The following SLC3A1 variants were observed in gnomAD, a reference collection of about 807,000 sequenced individuals.
SLC3A1 encodes amino acid transporter heavy chain SLC3A1.
SLC3A1 carries 78 observed loss-of-function variants against 60.3 expected under a neutral mutation model. The ratio of observed to expected loss-of-function variants is 1.29; its 90% confidence interval spans 1.08 to 1.56. The LOEUF is 1.56. SLC3A1 is among the 40% of genes most tolerant of loss of function. SLC3A1 has a pLI of 0.00. For synonymous variants in SLC3A1, 392 were observed against 307.9 expected (o/e 1.27, Z -2.86); for missense variants, 1,172 against 858.9 (o/e 1.36, Z -4.56).
chr2:44,307,106 G>T (rs1427356595), intron 7 of SLC3A1, among the ~76,000 whole-genome samples: 23 of 152,110 alleles, frequency 1.5e-4, no homozygotes, highest in Admixed American at 1.5e-3. Context: ...TACGATATGG[G>T]ACTTTTGTGT....
chr2:44,279,150 C>G (rs994748672), intron 1 of SLC3A1, among the ~76,000 whole-genome samples: 4 of 152,038 alleles, frequency 2.6e-5, no homozygotes, highest in Non-Finnish European at 5.9e-5. Flanking sequence ...AGGAATGCAC[C>G]ATCGTCCCCA....
intron 1 of SLC3A1, among the ~76,000 whole-genome samples, chr2:44,278,861 A>G (rs551200764): frequency 6.6e-6 from 1 of 152,300 alleles, no homozygotes; most frequent in South Asian, 2.1e-4. Flanking sequence ...GCAGTCTGAG[A>G]GTGGAAACAA....
rs751717838 is a variant in SLC3A1 at position 44,320,667 on chromosome 2, G to A, written c.*28G>A. On this transcript the variant is annotated 3_prime_UTR_variant, in exon 10 of 10. Transcript: ENST00000260649. Reference sequence around the variant, plus strand: ...ACCTTTATGAAGAGATGAAGACACTGGCATTTCAGTGGGATTGTAAGCATT... The same window carrying A: ...ACCTTTATGAAGAGATGAAGACACTAGCATTTCAGTGGGATTGTAAGCATT... 1.3e-5 allele frequency: 21 copies of A among 1,561,928 alleles called. No individual in the cohort carries two copies. The Admixed American group carries it at 2.5e-4, about 19-fold the overall frequency.
At position 44,320,633 on chromosome 2, in the gene SLC3A1, G is replaced by C. The variant is rs773635956; in HGVS notation, c.2052G>C (p.Ser684=). ...YSSVLNILYT[S]C The stretch of plus-strand genomic sequence containing the variant: ...GTGTACTGAACATACTGTATACCTC[G>C]TGTTAGGCACCTTTATGAAGAGATG... The change falls in exon 10 of 10, where the codon TCG becomes TCC. Residue 684 remains serine, a synonymous_variant. Transcript: ENST00000260649. The C allele has an allele frequency of 5.6e-6, 9 of 1,612,952 alleles. No individual in the cohort carries two copies. Among genetic ancestry groups the C allele is most frequent in the African/African-American group, 1.3e-5 (1 of 74,828 alleles).
intron 4 of SLC3A1, among the ~76,000 whole-genome samples, chr2:44,287,406 G>A (rs1275764963): frequency 6.6e-6 from 1 of 152,162 alleles, no homozygotes; most frequent in Non-Finnish European, 1.5e-5. Context: ...AGGTGAGAGT[G>A]TGGTTCATGT....
At chr2:44,301,428 ATTATT>A (rs770337530) in intron 6 of SLC3A1, 12 of 583,850 alleles carry the variant, frequency 2.1e-5, no homozygotes, top group African/African-American at 5.6e-5. Flanking sequence ...GCCATGAGCT[ATTATT>A]TTTTCTTTTT....
At chr2:44,305,970 C>T (rs1672144974) in intron 7 of SLC3A1, among the ~76,000 whole-genome samples, 1 of 152,190 alleles carries the variant, frequency 6.6e-6, no homozygotes, top group Non-Finnish European at 1.5e-5. Flanking sequence ...TCCACGATGT[C>T]TGCTTTCCCC....
rs748832562 is a variant in SLC3A1 at position 44,275,718 on chromosome 2, C to A, written c.183C>A (p.Gly61=). Reference sequence around the variant, plus strand: ...GCTCCCAGGAGCCCGACTTCAAGGGCGTCCAGCCCTATGCGGGGATGCCCA... The same window carrying A: ...GCTCCCAGGAGCCCGACTTCAAGGGAGTCCAGCCCTATGCGGGGATGCCCA... ...ILGSQEPDFK[G]VQPYAGMPKE... The change falls in exon 1 of 10, where the codon GGC becomes GGA. Residue 61 remains glycine, a synonymous_variant. Transcript: ENST00000260649. 6.2e-7 allele frequency: 1 copy of A among 1,614,200 alleles called. No individual in the cohort carries two copies. Among genetic ancestry groups the A allele is most frequent in the South Asian group, 1.1e-5 (1 of 91,078 alleles).
chr2:44,283,312 A>G (rs963745708), intron 3 of SLC3A1, among the ~76,000 whole-genome samples: 1 of 152,250 alleles, frequency 6.6e-6, no homozygotes, highest in Non-Finnish European at 1.5e-5. Flanking sequence ...ACAGGCTGTC[A>G]GCAAGTCCTG....
At position 44,275,493 on chromosome 2, in the gene SLC3A1, C is replaced by T; in HGVS notation, c.-43C>T. 1 of 1,529,832 alleles carries T rather than the reference C, an allele frequency of 6.5e-7. No homozygotes were observed. Among genetic ancestry groups the T allele is most frequent in the Non-Finnish European group, 9.0e-7 (1 of 1,107,124 alleles). 94.8% of individuals were successfully genotyped at this position (1,529,832 alleles called of 1,614,324 possible). On this transcript the variant is annotated 5_prime_UTR_variant, in exon 1 of 10. Transcript: ENST00000260649. The stretch of plus-strand genomic sequence containing the variant: ...ATTCAGCAAGCCACTCTTCCACCTC[C>T]CTTACTGCAGGAAGGCACTCCGAAG...
chr2:44,281,440 T>C lies in SLC3A1; in HGVS notation c.664T>C (p.Trp222Arg). ...IPNHTSDKHI[W>R]FQLSRTRTGK... is the part of the protein sequence containing the mutation. ...AAACCACACGAGTGATAAACATATT[T>C]GGTTTCAATTGAGTCGGACACGGAC... is the stretch of plus-strand genomic sequence containing the variant. The change falls in exon 3 of 10, where the codon TGG becomes CGG. Residue 222 changes from tryptophan to arginine, a missense_variant. Coordinates refer to ENST00000260649, the MANE Select transcript of SLC3A1 (RefSeq NM_000341.4). 1 of 1,613,514 alleles carries C rather than the reference T, an allele frequency of 6.2e-7. No individual in the cohort carries two copies. Among genetic ancestry groups the C allele is most frequent in the African/African-American group, 1.3e-5 (1 of 75,024 alleles).
chr2:44,321,700 G>A (rs200068348), downstream of SLC3A1: 4,122 of 1,578,110 alleles, frequency 2.6e-3, 10 homozygotes, highest in Non-Finnish European at 3.4e-3. Context: ...TCCCCTCCTG[G>A]GTCTCACCCA....
chr2:44,278,137 C>G (rs1671392262), intron 1 of SLC3A1, among the ~76,000 whole-genome samples: 1 of 152,080 alleles, frequency 6.6e-6, no homozygotes, highest in African/African-American at 2.4e-5. Context: ...AACTGGGGTA[C>G]AGAGACAGAA....
intron 7 of SLC3A1, among the ~76,000 whole-genome samples, chr2:44,307,441 A>T (rs1398712139): frequency 6.6e-6 from 1 of 152,112 alleles, no homozygotes; most frequent in Admixed American, 6.5e-5. Context: ...TAGTTACTCC[A>T]TTTTACATTC....
chr2:44,291,915 G>A (rs554733997), intron 4 of SLC3A1, among the ~76,000 whole-genome samples: 1 of 152,284 alleles, frequency 6.6e-6, no homozygotes, highest in Admixed American at 6.5e-5. Flanking sequence ...CAGGGGACTT[G>A]GCTCTGCTCT....
Position 44,275,792 on chromosome 2 carries a change from G to T in SLC3A1, c.257G>T (p.Arg86Leu). 6.2e-7 allele frequency: 1 copy of T among 1,614,210 alleles called. No individual in the cohort carries two copies. Among genetic ancestry groups the T allele is most frequent in the Non-Finnish European group, 8.5e-7 (1 of 1,180,046 alleles). Residue 86 changes from arginine to leucine, a missense_variant, in exon 1 of 10, where the codon CGG becomes CTG. By Grantham distance (102) the Arg-to-Leu change is moderately radical. Transcript: ENST00000260649. ...FSGQARYRIP[R>L]EILFWLTVAS... The stretch of plus-strand genomic sequence containing the variant: ...GGCCAGGCCCGCTACCGCATACCTC[G>T]GGAGATCCTCTTCTGGCTCACAGTG...
intron 1 of SLC3A1, among the ~76,000 whole-genome samples, chr2:44,279,379 A>G (rs2104331840): frequency 6.6e-6 from 1 of 152,150 alleles, no homozygotes; most frequent in East Asian, 1.9e-4. Flanking sequence ...CTTCACTCTG[A>G]TCCCCTTTGC....
chr2:44,297,262 G>A (rs1671875402), intron 4 of SLC3A1, among the ~76,000 whole-genome samples: 1 of 152,228 alleles, frequency 6.6e-6, no homozygotes, highest in African/African-American at 2.4e-5. Flanking sequence ...GAGCTTGTGA[G>A]CAGGTGCCGG....
Position 44,321,213 on chromosome 2 carries a change from G to C in SLC3A1, c.*574G>C. On this transcript the variant is annotated 3_prime_UTR_variant, in exon 10 of 10. Transcript: ENST00000260649. ...TATAAGCAAGTGAGATGTAGACTAA[G>C]CAAAATTTAGATGGAGAAGCACATT... 1.4e-6 allele frequency: 1 copy of C among 730,710 alleles called. No homozygotes were observed. Among genetic ancestry groups the C allele is most frequent in the Non-Finnish European group, 2.2e-6 (1 of 444,566 alleles). The allele number at this position is 730,710 out of a possible 1,614,324, so 45.3% of individuals were successfully genotyped here.
Sources: gnomAD v4.1 joint callset for allele counts (sites outside exome capture counted in the v4.1 genomes callset) on GRCh38, gnomAD v4.1.1 for gene constraint, MANE v1.5 for transcripts, NCBI Gene and HGNC (gene_info 2026-07-23, HGNC 2026-07-21) for gene names.